The following FAM185A variants were observed in gnomAD, a reference collection of about 807,000 sequenced individuals.
FAM185A encodes the protein family with sequence similarity 185 member A.
Under a neutral mutation model 45.7 loss-of-function variants are expected in FAM185A, and 21 were observed. That is an observed-to-expected ratio of 0.46 (90% confidence interval 0.33 to 0.66). FAM185A has a LOEUF of 0.66. Among genes scored for constraint, FAM185A ranks in the 30% least tolerant of loss-of-function variants. FAM185A has a pLI of 0.03. For missense variants in FAM185A, 305 were observed against 485.4 expected (o/e 0.63, Z 3.49); for synonymous variants, 117 against 194.0 (o/e 0.60, Z 3.30).
chr7:102,833,831 C>A, the FAM185A span, among the ~76,000 whole-genome samples: 1 of 151,762 alleles, frequency 6.6e-6, no homozygotes, highest in Non-Finnish European at 1.5e-5. Flanking sequence ...GAAATCATTC[C>A]CTTTATATCA....
the FAM185A span, among the ~76,000 whole-genome samples, chr7:102,844,416 G>C: frequency 6.6e-6 from 1 of 152,096 alleles, no homozygotes; most frequent in Non-Finnish European, 1.5e-5. Flanking sequence ...ATTACTTGTA[G>C]GTAGAGTAAA....
the FAM185A span, among the ~76,000 whole-genome samples, chr7:102,823,182 A>G: frequency 1.3e-5 from 2 of 152,220 alleles, no homozygotes; most frequent in African/African-American, 4.8e-5. Context: ...TGTCACACCA[A>G]TATGAGCAAC....
chr7:102,776,538 A>G (rs1795068763), intron 5 of FAM185A, among the ~76,000 whole-genome samples: 1 of 152,032 alleles, frequency 6.6e-6, no homozygotes, highest in Admixed American at 6.6e-5. Context: ...GAAAAGAACT[A>G]TTAGATATAA....
At chr7:102,753,456 A>T (rs1436611272) in intron 2 of FAM185A, among the ~76,000 whole-genome samples, 1 of 152,030 alleles carries the variant, frequency 6.6e-6, no homozygotes, top group African/African-American at 2.4e-5. Flanking sequence ...AAACCTTTTC[A>T]GTCAGGTGAT....
chr7:102,812,251 T>G (rs1486965787), downstream of FAM185A, among the ~76,000 whole-genome samples: 1 of 152,240 alleles, frequency 6.6e-6, no homozygotes, highest in African/African-American at 2.4e-5. Context: ...GCACATATAC[T>G]AAAACCTACG....
At position 102,805,617 on chromosome 7, in the gene FAM185A, C is replaced by T. The variant is rs115215733; in HGVS notation, c.1067-2673C>T. Among the ~76,000 whole-genome samples, 510 of 152,134 alleles carry T rather than the reference C, an allele frequency of 3.4e-3. 4 individuals are homozygous for T. The highest frequency in any genetic ancestry group is 0.012 in the African/African-American group (491 of 41,474). ...AAGTGATGGGTGCATCAAAATCTCA[C>T]AAATTACAACTAAAGAACTTACTCA... On this transcript the variant is annotated intron_variant, in intron 7 of 7. Coordinates refer to ENST00000413034, the MANE Select transcript of FAM185A (RefSeq NM_001145268.2).
chr7:102,759,377 C>T (rs188108906), intron 3 of FAM185A, among the ~76,000 whole-genome samples: 6 of 151,988 alleles, frequency 3.9e-5, no homozygotes, highest in African/African-American at 1.2e-4. Flanking sequence ...TGCTATTATA[C>T]AATTTTATTT....
chr7:102,800,915 C>T (rs1424264677), intron 7 of FAM185A, among the ~76,000 whole-genome samples: 2 of 152,310 alleles, frequency 1.3e-5, no homozygotes, highest in Middle Eastern at 3.4e-3. Context: ...AAAAGATCTT[C>T]TCGTAGGCAC....
the FAM185A span, among the ~76,000 whole-genome samples, chr7:102,830,140 G>T: frequency 2.0e-5 from 3 of 152,160 alleles, no homozygotes; most frequent in Admixed American, 6.5e-5. Context: ...CTTCTGGGCT[G>T]CAAGACAATA....
At chr7:102,770,692 A>G (rs2129436261) in intron 4 of FAM185A, among the ~76,000 whole-genome samples, 1 of 152,318 alleles carries the variant, frequency 6.6e-6, no homozygotes, top group East Asian at 1.9e-4. Context: ...ATTATTAAAA[A>G]TAAGTAAAAA....
chr7:102,783,430 C>G (rs930338680), intron 6 of FAM185A, among the ~76,000 whole-genome samples: 2 of 152,010 alleles, frequency 1.3e-5, no homozygotes, highest in Non-Finnish European at 2.9e-5. Context: ...TGTAAAAGAA[C>G]AGAAATTATA....
intron 6 of FAM185A, among the ~76,000 whole-genome samples, chr7:102,783,269 G>GT (rs1795535630): frequency 6.6e-6 from 1 of 152,070 alleles, no homozygotes; most frequent in Non-Finnish European, 1.5e-5. Context: ...AGGATATTCA[G>GT]GAATTGAACT....
At chr7:102,828,703 A>G in the FAM185A span, among the ~76,000 whole-genome samples, 3 of 152,232 alleles carry the variant, frequency 2.0e-5, no homozygotes, top group African/African-American at 7.2e-5. Flanking sequence ...TGGTCTAGAG[A>G]CATTTCTCCA....
At chr7:102,822,951 A>G in the FAM185A span, among the ~76,000 whole-genome samples, 1 of 152,126 alleles carries the variant, frequency 6.6e-6, no homozygotes, top group African/African-American at 2.4e-5. Context: ...AGTCCCAGCT[A>G]CTTGGGAGGC....
chr7:102,798,403 A>AGAT (rs1796572665), intron 7 of FAM185A, among the ~76,000 whole-genome samples: 1 of 152,240 alleles, frequency 6.6e-6, no homozygotes, highest in Non-Finnish European at 1.5e-5. Flanking sequence ...CAAGCAACCT[A>AGAT]GATGGAATTT....
chr7:102,777,044 A>G (rs1296585704), intron 5 of FAM185A, among the ~76,000 whole-genome samples: 2 of 152,172 alleles, frequency 1.3e-5, no homozygotes, highest in Non-Finnish European at 2.9e-5. Flanking sequence ...ATAGATAAAG[A>G]TTTTTAAATT....
At chr7:102,833,121 T>C in the FAM185A span, 1 of 809,456 alleles carries the variant, frequency 1.2e-6, no homozygotes, top group African/African-American at 1.7e-5. Context: ...AAAAAACCCA[T>C]GTTACATCCA....
intron 4 of FAM185A, among the ~76,000 whole-genome samples, chr7:102,771,496 G>C (rs1008940425): frequency 1.3e-5 from 2 of 152,014 alleles, no homozygotes; most frequent in Admixed American, 1.3e-4. Context: ...GCAATTAGGC[G>C]CATCTGGCTA....
the FAM185A span, among the ~76,000 whole-genome samples, chr7:102,839,152 G>A: frequency 6.6e-6 from 1 of 152,230 alleles, no homozygotes; most frequent in Non-Finnish European, 1.5e-5. Flanking sequence ...CCACTGAGAT[G>A]TATGGGTGGA....
Sources: gnomAD v4.1 joint callset for allele counts (sites outside exome capture counted in the v4.1 genomes callset) on GRCh38, gnomAD v4.1.1 for gene constraint, MANE v1.5 for transcripts, NCBI Gene and HGNC (gene_info 2026-07-23, HGNC 2026-07-21) for gene names.